The following ERC2 variants were observed in gnomAD, a reference collection of about 807,000 sequenced individuals.
The protein encoded by ERC2 is ERC protein 2.
Under a neutral mutation model 114.8 loss-of-function variants are expected in ERC2, and 42 were observed. The ratio of observed to expected loss-of-function variants is 0.37; its 90% confidence interval spans 0.29 to 0.47. The LOEUF is 0.47. Ranked by LOEUF, ERC2 falls within the 20% of genes least tolerant of loss-of-function variation. The pLI, the probability that ERC2 is intolerant of heterozygous loss-of-function variation, is 0.99. For synonymous variants in ERC2, 454 were observed against 425.5 expected, an observed-to-expected ratio of 1.07 and a Z score of -0.82; for missense variants, 939 against 1,150.7, an observed-to-expected ratio of 0.82 and a Z score of 2.66.
intron 3 of ERC2, among the ~76,000 whole-genome samples, chr3:56,278,284 T>C (rs567177963): frequency 6.6e-6 from 1 of 152,332 alleles, no homozygotes; most frequent in African/African-American, 2.4e-5. Context: ...GAGAGGGACA[T>C]CACATTGTTT....
chr3:55,906,920 C>T (rs1045819058), intron 13 of ERC2, among the ~76,000 whole-genome samples: 5 of 152,242 alleles, frequency 3.3e-5, no homozygotes, highest in South Asian at 4.1e-4. Context: ...ATGATGATGC[C>T]GCAGCCATAT....
intron 14 of ERC2, among the ~76,000 whole-genome samples, chr3:55,776,014 C>T (rs1051233019): frequency 2.6e-5 from 4 of 152,200 alleles, no homozygotes; most frequent in African/African-American, 9.6e-5. Flanking sequence ...AGACCAGTCT[C>T]ACTGAGCTGA....
rs781300331 is a variant in ERC2, at chr3:55,881,057, T to G, written c.2564+7332A>C. Among the ~76,000 whole-genome samples the G allele has an allele frequency of 2.0e-5, 3 of 152,220 alleles. No individual in the cohort carries two copies. The East Asian group carries it at 5.8e-4, about 29-fold the overall frequency. On this transcript the variant is annotated intron_variant, in intron 14 of 17. Coordinates refer to ENST00000288221, the MANE Select transcript of ERC2 (RefSeq NM_015576.3). ...TTCAAAACTCTTCTCCCAAACTCCA[T>G]TTATCCTGTCCAAATTGCTAGGCAC... is the stretch of plus-strand genomic sequence containing the variant.
At chr3:55,891,639 G>T (rs2063609658) in intron 13 of ERC2, among the ~76,000 whole-genome samples, 1 of 151,776 alleles carries the variant, frequency 6.6e-6, no homozygotes, top group Non-Finnish European at 1.5e-5. Context: ...TAGAGACGGG[G>T]TTTCACCATG....
chr3:56,379,810 T>A (rs1050866005), intron 2 of ERC2, among the ~76,000 whole-genome samples: 1 of 152,186 alleles, frequency 6.6e-6, no homozygotes, highest in Non-Finnish European at 1.5e-5. Context: ...GGGAATGAAA[T>A]ATGTTCAACA....
chr3:56,287,621 T>C lies in ERC2; in HGVS notation c.1074+8398A>G, dbSNP rs569392582. ...TTTGCATTTCTTCCTTTTTCACATT[T>C]ATGAGAAAATAACCTTCAGCAAGAA... On this transcript the variant is annotated intron_variant, in intron 3 of 17. Transcript: ENST00000288221. Among the ~76,000 whole-genome samples the C allele has an allele frequency of 5.9e-5, 9 of 152,330 alleles. No individual in the cohort carries two copies. In the East Asian group the frequency reaches 1.5e-3, roughly 26 times the overall value.
In ERC2 at chr3:56,237,031, G is replaced by C. The variant is rs373923008; in HGVS notation, c.1074+58988C>G. ...CAGGACATCCAGCTGCAGAATTTGAGGCAAAAACAGACCCAACTTGCCACT... is the reference window on the plus strand; with the variant it reads ...CAGGACATCCAGCTGCAGAATTTGACGCAAAAACAGACCCAACTTGCCACT... On this transcript the variant is annotated intron_variant, in intron 3 of 17. Transcript: ENST00000288221. 7.2e-5 allele frequency among the ~76,000 whole-genome samples: 11 copies of C among 152,222 alleles called. No homozygotes were observed. In the East Asian group the frequency reaches 2.1e-3, roughly 29 times the overall value.
intron 9 of ERC2, among the ~76,000 whole-genome samples, chr3:56,007,824 C>A (rs1576540942): frequency 6.6e-6 from 1 of 152,066 alleles, no homozygotes; most frequent in African/African-American, 2.4e-5. Flanking sequence ...TTACAAACAT[C>A]TTCTGGAAAA....
chr3:56,263,502 G>T (rs553279600), intron 3 of ERC2, among the ~76,000 whole-genome samples: 5 of 152,044 alleles, frequency 3.3e-5, no homozygotes, highest in African/African-American at 1.2e-4. Flanking sequence ...GCAGCCCCCC[G>T]CAGAGAAAAG....
chr3:56,383,366 G>C (rs2059822626), intron 2 of ERC2, among the ~76,000 whole-genome samples: 2 of 152,244 alleles, frequency 1.3e-5, no homozygotes, highest in East Asian at 3.9e-4. Flanking sequence ...TTCTAATCCT[G>C]TTTCAGACTT....
chr3:55,771,414 G>A (rs142514571), intron 14 of ERC2, among the ~76,000 whole-genome samples: 4 of 152,314 alleles, frequency 2.6e-5, no homozygotes, highest in African/African-American at 9.6e-5. Flanking sequence ...GAGTCTTCAC[G>A]TCCACCCTGC....
chr3:55,768,465 G>A (rs2067972550), intron 14 of ERC2, among the ~76,000 whole-genome samples: 1 of 152,312 alleles, frequency 6.6e-6, no homozygotes, highest in Middle Eastern at 3.4e-3. Context: ...GAAATTCAAA[G>A]TGTCATAAGA....
chr3:56,351,841 G>T (rs2058564886), intron 2 of ERC2, among the ~76,000 whole-genome samples: 1 of 152,184 alleles, frequency 6.6e-6, no homozygotes, highest in African/African-American at 2.4e-5. Context: ...TAGGGAACCA[G>T]ACATAGTCTC....
At chr3:56,181,199 A>G (rs148482723) in intron 3 of ERC2, among the ~76,000 whole-genome samples, 128 of 152,320 alleles carry the variant, frequency 8.4e-4, no homozygotes, top group African/African-American at 3.0e-3. Context: ...GGAGAATCAA[A>G]TGTGTTTTAG....
chr3:55,526,212 G>A (rs2053306413), intron 17 of ERC2, among the ~76,000 whole-genome samples: 1 of 152,162 alleles, frequency 6.6e-6, no homozygotes, highest in Non-Finnish European at 1.5e-5. Context: ...AGGCTTCGAA[G>A]AGGGAATGGC....
At chr3:56,402,004 G>T (rs1389737367) in intron 2 of ERC2, among the ~76,000 whole-genome samples, 1 of 152,214 alleles carries the variant, frequency 6.6e-6, no homozygotes, top group Non-Finnish European at 1.5e-5. Context: ...GAGAGCTTGT[G>T]CAGGGGAACT....
chr3:56,453,616 TTC>T (rs2062923279), intron 1 of ERC2, among the ~76,000 whole-genome samples: 1 of 152,240 alleles, frequency 6.6e-6, no homozygotes, highest in South Asian at 2.1e-4. Context: ...ACAGAATATC[TTC>T]TGTTAGGTCT....
chr3:55,536,381 G>A (rs547235485), intron 17 of ERC2, among the ~76,000 whole-genome samples: 2 of 152,264 alleles, frequency 1.3e-5, no homozygotes, highest in Admixed American at 6.5e-5. Flanking sequence ...CTTCCCAGAC[G>A]TAGCTGTGCG....
At chr3:55,832,552 G>C (rs1489270565) in intron 14 of ERC2, among the ~76,000 whole-genome samples, 1 of 152,190 alleles carries the variant, frequency 6.6e-6, no homozygotes, top group African/African-American at 2.4e-5. Flanking sequence ...AGGGTCCTGT[G>C]TGTTAGAAGG....
Sources: gnomAD v4.1 joint callset for allele counts (sites outside exome capture counted in the v4.1 genomes callset) on GRCh38, gnomAD v4.1.1 for gene constraint, MANE v1.5 for transcripts, NCBI Gene and HGNC (gene_info 2026-07-23, HGNC 2026-07-21) for gene names.